FRMD4A: variants seen among roughly 807,000 people sequenced by gnomAD.
The protein encoded by FRMD4A is FERM domain-containing protein 4A.
In FRMD4A, 29 loss-of-function variants were observed where a neutral mutation model predicts 129.1. That is an observed-to-expected ratio of 0.22 (90% CI 0.17 to 0.31). The LOEUF (loss-of-function observed/expected upper bound fraction) is 0.31. FRMD4A is among the 10% of genes least tolerant of loss of function. The probability of loss-of-function intolerance (pLI) is 1.00; values close to 1 mark genes in which losing one functional copy is unlikely to be tolerated. For synonymous variants in FRMD4A, 634 were observed against 571.6 expected (o/e 1.11, Z -1.56); for missense variants, 1,272 against 1,375.8 (o/e 0.92, Z 1.19).
At chr10:14,160,177 C>T (rs1840812017) in intron 2 of FRMD4A, among the ~76,000 whole-genome samples, 2 of 152,120 alleles carry the variant, frequency 1.3e-5, no homozygotes, top group African/African-American at 4.8e-5. Flanking sequence ...TTACAGCCAA[C>T]TGATTTTTGA....
intron 2 of FRMD4A, among the ~76,000 whole-genome samples, chr10:14,135,975 CT>C (rs1839515516): frequency 6.6e-6 from 1 of 152,214 alleles, no homozygotes; most frequent in African/African-American, 2.4e-5. Flanking sequence ...GTGGTTCCCC[CT>C]GACACTGAAT....
chr10:14,039,381 TCCATCC>T (rs1565204375), intron 2 of FRMD4A, among the ~76,000 whole-genome samples: 4,533 of 140,274 alleles, frequency 0.032, 119 homozygotes, highest in African/African-American at 0.061. Flanking sequence ...CATCCATCCA[TCCATCC>T]ATCCATCCAT....
intron 14 of FRMD4A, among the ~76,000 whole-genome samples, 162 bp from the exon 15 acceptor site, chr10:13,694,201 A>C (rs1353628779): frequency 6.6e-6 from 1 of 152,198 alleles, no homozygotes; most frequent in Admixed American, 6.5e-5. Context: ...CCTCATCATT[A>C]ATCACCGAAA....
chr10:13,887,483 A>C (rs901364344), intron 2 of FRMD4A, among the ~76,000 whole-genome samples: 3 of 152,112 alleles, frequency 2.0e-5, no homozygotes, highest in Non-Finnish European at 4.4e-5. Flanking sequence ...GATCGAGACC[A>C]TACTGGCCAA....
At chr10:14,127,979 C>T (rs4503426) in intron 2 of FRMD4A, among the ~76,000 whole-genome samples, 7,317 of 30,018 alleles carry the variant, frequency 0.24, 979 homozygotes, top group Middle Eastern at 0.36. Context: ...TCTTTCTTTC[C>T]TTCTCTCTCT....
At chr10:13,853,016 G>T (rs190254143) in intron 3 of FRMD4A, among the ~76,000 whole-genome samples, 130 of 152,258 alleles carry the variant, frequency 8.5e-4, no homozygotes, top group Middle Eastern at 3.4e-3. Flanking sequence ...TCATAGGGAC[G>T]CTTTGTTCCT....
intron 12 of FRMD4A, among the ~76,000 whole-genome samples, chr10:13,721,802 A>T (rs1382965843): frequency 6.6e-6 from 1 of 152,226 alleles, no homozygotes; most frequent in African/African-American, 2.4e-5. Context: ...CATTTTGTAA[A>T]TGGGTTTTCA....
intron 9 of FRMD4A, among the ~76,000 whole-genome samples, chr10:13,747,424 C>G (rs2091348896): frequency 1.3e-5 from 2 of 151,480 alleles, no homozygotes; most frequent in Admixed American, 1.3e-4. Context: ...GTAATCCCAG[C>G]TACTCAGGAG....
intron 5 of FRMD4A, among the ~76,000 whole-genome samples, chr10:13,794,556 A>T (rs2093072793): frequency 6.6e-6 from 1 of 152,084 alleles, no homozygotes; most frequent in South Asian, 2.1e-4. Context: ...GGACCTGCTG[A>T]GTTTGAAGTA....
intron 2 of FRMD4A, among the ~76,000 whole-genome samples, chr10:13,981,653 C>T (rs1468380850): frequency 6.7e-5 from 10 of 148,672 alleles, no homozygotes; most frequent in Admixed American, 1.4e-4. Context: ...GCAGGAGAAT[C>T]GTTTCAACTC....
intron 12 of FRMD4A, among the ~76,000 whole-genome samples, chr10:13,734,416 C>T (rs1024335777): frequency 1.3e-5 from 2 of 152,170 alleles, no homozygotes; most frequent in African/African-American, 2.4e-5. Context: ...AAGTCCTCTT[C>T]GCAGAGCCTT....
chr10:13,721,657 G>A (rs948917226), intron 12 of FRMD4A, among the ~76,000 whole-genome samples: 2 of 152,164 alleles, frequency 1.3e-5, no homozygotes, highest in East Asian at 1.9e-4. Context: ...TCTCTACAGA[G>A]GGCAACTCAC....
At chr10:13,768,395 G>C (rs1368064363) in intron 6 of FRMD4A, among the ~76,000 whole-genome samples, 3 of 152,156 alleles carry the variant, frequency 2.0e-5, no homozygotes. Context: ...ATTTAACCAA[G>C]AATCTTAATG....
chr10:14,111,559 A>G (rs1837903208), intron 2 of FRMD4A, among the ~76,000 whole-genome samples: 1 of 152,180 alleles, frequency 6.6e-6, no homozygotes, highest in African/African-American at 2.4e-5. Flanking sequence ...AAAGTACAGA[A>G]GTCATTAAGA....
chr10:13,796,730 T>C, intron 4 of FRMD4A, 142 bp from the exon 5 acceptor site: 1 of 546,022 alleles, frequency 1.8e-6, no homozygotes, highest in Non-Finnish European at 3.3e-6. Flanking sequence ...TTTTAGTTTT[T>C]ATTTTTTTGA....
intron 5 of FRMD4A, among the ~76,000 whole-genome samples, chr10:13,792,321 A>G (rs113842524): frequency 1.3e-4 from 20 of 152,092 alleles, no homozygotes; most frequent in African/African-American, 4.6e-4. Flanking sequence ...GGCCCTGCCT[A>G]TACAGGGAAC....
At chr10:13,876,374 G>A (rs1453285648) in intron 2 of FRMD4A, among the ~76,000 whole-genome samples, 1 of 152,176 alleles carries the variant, frequency 6.6e-6, no homozygotes, top group East Asian at 1.9e-4. Flanking sequence ...AAAAATTTTA[G>A]TACAGACTGA....
Position 13,674,976 on chromosome 10 carries a change from C to G in FRMD4A, c.1186G>C (p.Glu396Gln). The G allele has an allele frequency of 6.2e-7, 1 of 1,613,748 alleles. No homozygotes were observed. The highest frequency in any genetic ancestry group is 8.5e-7 in the Non-Finnish European group (1 of 1,179,624). ...DMLAALKSRQ[E>Q]ALEETLRQRL... is the part of the protein sequence containing the mutation. ...TGACGCAGGGTTTCCTCCAGAGCTTCCTGCCTGGACTTCAAGGCAGCCAGC... is the reference window on the plus strand; with the variant it reads ...TGACGCAGGGTTTCCTCCAGAGCTTGCTGCCTGGACTTCAAGGCAGCCAGC... Residue 396 changes from glutamate (E) to glutamine (Q), a missense_variant, in exon 16 of 25, where the codon GAA becomes CAA. Around this residue, in one of 2 missense-constraint regions of FRMD4A, gnomAD observed 972 missense variants for 892.3 expected, o/e 1.09. Coordinates refer to ENST00000357447, the MANE Select transcript of FRMD4A (RefSeq NM_018027.5).
At chr10:14,022,984 A>T (rs1832828601) in intron 2 of FRMD4A, among the ~76,000 whole-genome samples, 1 of 152,184 alleles carries the variant, frequency 6.6e-6, no homozygotes, top group Admixed American at 6.5e-5. Context: ...GGCATGCCAC[A>T]GATCACCCCC....
Sources: gnomAD v4.1 joint callset for allele counts (sites outside exome capture counted in the v4.1 genomes callset) on GRCh38, gnomAD v4.1.1 for gene constraint, gnomAD v4.1.1 regional missense constraint, MANE v1.5 for transcripts, NCBI Gene and HGNC (gene_info 2026-07-23, HGNC 2026-07-21) for gene names.